NKAIN2: variants seen among roughly 807,000 people sequenced by gnomAD.
NKAIN2 encodes the protein sodium/potassium transporting ATPase interacting 2.
A neutral mutation model predicts 32.6 loss-of-function variants in NKAIN2; 14 were observed. That is an observed-to-expected ratio of 0.43 (90% confidence interval 0.28 to 0.67). The LOEUF is 0.67. Among genes scored for constraint, NKAIN2 ranks in the 30% least tolerant of loss-of-function variants. The probability of loss-of-function intolerance (pLI) is 0.17; values close to 1 mark genes in which losing one functional copy is unlikely to be tolerated. For synonymous variants in NKAIN2, 80 were observed against 87.2 expected, an observed-to-expected ratio of 0.92 and a Z score of 0.46; for missense variants, 198 against 258.3, an observed-to-expected ratio of 0.77 and a Z score of 1.60.
At chr6:124,546,977 T>G (rs1207287359) in intron 3 of NKAIN2, among the ~76,000 whole-genome samples, 1 of 152,188 alleles carries the variant, frequency 6.6e-6, no homozygotes, top group Admixed American at 6.5e-5. Context: ...ACAGTCAACC[T>G]TTCCTTTCCT....
chr6:124,168,012 T>G (rs1320227828), intron 1 of NKAIN2, among the ~76,000 whole-genome samples: 2 of 152,180 alleles, frequency 1.3e-5, no homozygotes, highest in African/African-American at 4.8e-5. Context: ...GGTACCCACA[T>G]AAAAAACCAA....
intron 4 of NKAIN2, among the ~76,000 whole-genome samples, chr6:124,739,492 C>G (rs1445979689): frequency 6.6e-6 from 1 of 151,832 alleles, no homozygotes; most frequent in Non-Finnish European, 1.5e-5. Flanking sequence ...AAACTATTAT[C>G]TTCTAACCAA....
rs76224211 is a variant in NKAIN2 at position 123,811,740 on chromosome 6, G to A, written c.54+7486G>A. Among the ~76,000 whole-genome samples, 1,188 of 152,072 alleles carry A rather than the reference G, an allele frequency of 7.8e-3. 13 individuals carry two copies. The highest frequency in any genetic ancestry group is 0.027 in the African/African-American group (1,137 of 41,474). On this transcript the variant is annotated intron_variant, in intron 1 of 6. Coordinates refer to ENST00000368417, the MANE Select transcript of NKAIN2 (RefSeq NM_001040214.3). ...AGTCCATCTAGTGAGCCCAGGAGTAGTTAAAGGGAAGTTTATGGCCAATGG... is the reference window on the plus strand; with the variant it reads ...AGTCCATCTAGTGAGCCCAGGAGTAATTAAAGGGAAGTTTATGGCCAATGG...
intron 1 of NKAIN2, among the ~76,000 whole-genome samples, chr6:124,128,100 A>C (rs1184063532): frequency 6.6e-6 from 1 of 152,170 alleles, no homozygotes; most frequent in South Asian, 2.1e-4. Context: ...AAGTGCTGGG[A>C]TTACAGGCGT....
chr6:124,433,901 G>A (rs562730667), intron 3 of NKAIN2, among the ~76,000 whole-genome samples: 2 of 152,154 alleles, frequency 1.3e-5, no homozygotes, highest in African/African-American at 4.8e-5. Flanking sequence ...TTGCTGCTCC[G>A]GCTGGTGGTA....
At chr6:124,168,907 T>C (rs1405247433) in intron 1 of NKAIN2, among the ~76,000 whole-genome samples, 1 of 152,166 alleles carries the variant, frequency 6.6e-6, no homozygotes, top group Non-Finnish European at 1.5e-5. Context: ...TGGCATATTT[T>C]CATTTTAACA....
intron 1 of NKAIN2, among the ~76,000 whole-genome samples, chr6:124,045,312 A>G (rs1582526139): frequency 6.6e-6 from 1 of 151,962 alleles, no homozygotes; most frequent in East Asian, 1.9e-4. Context: ...CTTTTATGTC[A>G]TTGGAGCTGA....
In NKAIN2 at chr6:124,278,896, A is replaced by G. The variant is rs1182216530; in HGVS notation, c.55-4109A>G. On this transcript the variant is annotated intron_variant, in intron 1 of 6. Coordinates refer to ENST00000368417, the MANE Select transcript of NKAIN2 (RefSeq NM_001040214.3). ...TAGCCAAAAACTGGAAATGAATTAA[A>G]GATTTATTAAAATGCAATGCCTTAA... Among the ~76,000 whole-genome samples, 3 of 152,030 alleles carry G rather than the reference A, an allele frequency of 2.0e-5. No homozygotes were observed. In the East Asian group the frequency reaches 5.8e-4, roughly 30 times the overall value.
At chr6:124,197,804 A>C (rs560672852) in intron 1 of NKAIN2, among the ~76,000 whole-genome samples, 1 of 117,030 alleles carries the variant, frequency 8.5e-6, no homozygotes, top group South Asian at 2.9e-4. Context: ...TGCCTCTGGG[A>C]TTTTTCCTTT....
At chr6:124,476,216 A>T (rs1297541052) in intron 3 of NKAIN2, among the ~76,000 whole-genome samples, 1 of 152,018 alleles carries the variant, frequency 6.6e-6, no homozygotes, top group Non-Finnish European at 1.5e-5. Flanking sequence ...CAAGAAATAA[A>T]CTGTCTTTGG....
In NKAIN2 at chr6:124,749,820, T is replaced by G. The variant is rs150933982; in HGVS notation, c.475-41519T>G. ...TTTGGCAAATCTGATTCTTCATAAT[T>G]TGATCTCACCCTATTTTATAACCCC... On this transcript the variant is annotated intron_variant, in intron 4 of 6. Coordinates refer to ENST00000368417, the MANE Select transcript of NKAIN2 (RefSeq NM_001040214.3). Among the ~76,000 whole-genome samples the G allele has an allele frequency of 9.7e-4, 147 of 152,076 alleles. 1 individual carries two copies. Among genetic ancestry groups the G allele is most frequent in the African/African-American group, 3.4e-3 (141 of 41,542 alleles).
rs1786473541 is a variant in NKAIN2 at position 124,131,505 on chromosome 6, G to C, written c.55-151500G>C. Among the ~76,000 whole-genome samples the C allele has an allele frequency of 2.0e-5, 3 of 152,264 alleles. No individual in the cohort carries two copies. The South Asian group carries it at 6.2e-4, about 32-fold the overall frequency. On this transcript the variant is annotated intron_variant, in intron 1 of 6. Transcript: ENST00000368417. ...CCAAAAGAATTCAGATCCTTTGAAA[G>C]AAATGCCATGCTACTGCAAAATCAG...
At chr6:123,806,520 T>C (rs921156909) in intron 1 of NKAIN2, among the ~76,000 whole-genome samples, 6 of 152,104 alleles carry the variant, frequency 3.9e-5, no homozygotes, top group African/African-American at 1.4e-4. Context: ...AATTAATAGT[T>C]GCAAAGCCCT....
intron 4 of NKAIN2, among the ~76,000 whole-genome samples, chr6:124,714,115 T>C (rs1326541514): frequency 5.9e-5 from 9 of 152,206 alleles, no homozygotes. Flanking sequence ...GCCTTTTAAA[T>C]ATGTGCTTTA....
chr6:124,192,741 GTTTTTT>G (rs1205303294), intron 1 of NKAIN2, among the ~76,000 whole-genome samples: 18 of 77,180 alleles, frequency 2.3e-4, no homozygotes, highest in Admixed American at 8.8e-4. Flanking sequence ...AGTTCCATCC[GTTTTTT>G]TTTTTTTTTT....
chr6:123,856,270 A>C (rs1042700552), intron 1 of NKAIN2, among the ~76,000 whole-genome samples: 2 of 152,202 alleles, frequency 1.3e-5, no homozygotes, highest in Non-Finnish European at 2.9e-5. Flanking sequence ...AACATTATGG[A>C]TATGTTAAGA....
At position 124,375,818 on chromosome 6, in the gene NKAIN2, G is replaced by A. The variant is rs111618639; in HGVS notation, c.273+20471G>A. Among the ~76,000 whole-genome samples the A allele has an allele frequency of 4.4e-3, 672 of 152,196 alleles. 7 individuals carry two copies. Among genetic ancestry groups the A allele is most frequent in the African/African-American group, 0.015 (622 of 41,544 alleles). On this transcript the variant is annotated intron_variant, in intron 3 of 6. Transcript: ENST00000368417. ...AAATGAAGAAACACAGAAATTATTT[G>A]TAGTCAGAATAAACACCAGACCTCT...
intron 3 of NKAIN2, among the ~76,000 whole-genome samples, chr6:124,650,306 G>C (rs1784322959): frequency 6.6e-6 from 1 of 152,064 alleles, no homozygotes; most frequent in African/African-American, 2.4e-5. Context: ...AAGTTTCAGG[G>C]TACAAGGTTA....
At chr6:124,815,228 ATATATATATATATG>A (rs1562400413) in intron 5 of NKAIN2, among the ~76,000 whole-genome samples, 1 of 141,208 alleles carries the variant, frequency 7.1e-6, no homozygotes, top group Non-Finnish European at 1.5e-5. Context: ...ATATATACAT[ATATATATATATATG>A]TATATATGTA....
Sources: allele counts gnomAD v4.1 joint callset (sites outside exome capture counted in the v4.1 genomes callset), GRCh38; gene constraint gnomAD v4.1.1; transcripts MANE v1.5; gene names NCBI Gene and HGNC (gene_info 2026-07-23, HGNC 2026-07-21).